The following GSG1L variants were observed in gnomAD, a reference collection of about 807,000 sequenced individuals.
GSG1L encodes germ cell-specific gene 1-like protein.
A neutral mutation model predicts 42.1 loss-of-function variants in GSG1L; 24 were observed. That is an observed-to-expected ratio of 0.57 (90% CI 0.41 to 0.80). The LOEUF (loss-of-function observed/expected upper bound fraction) is 0.80. Ranked by LOEUF, GSG1L falls within the 30% of genes least tolerant of loss-of-function variation. The probability of loss-of-function intolerance (pLI) is 0.00; values close to 1 mark genes in which losing one functional copy is unlikely to be tolerated. For synonymous variants in GSG1L, 215 were observed against 203.5 expected (o/e 1.06, Z -0.48); for missense variants, 445 against 472.2 (o/e 0.94, Z 0.53).
chr16:28,027,495 G>A (rs1266872284), intron 1 of GSG1L, among the ~76,000 whole-genome samples: 1 of 152,120 alleles, frequency 6.6e-6, no homozygotes, highest in Non-Finnish European at 1.5e-5. Flanking sequence ...AGATAGAAAT[G>A]TTCTGCACCA....
At chr16:28,013,261 G>A (rs534906003) in intron 1 of GSG1L, among the ~76,000 whole-genome samples, 42 of 151,936 alleles carry the variant, frequency 2.8e-4, no homozygotes, top group Non-Finnish European at 5.9e-4. Flanking sequence ...TAATACACAT[G>A]TGGATAATGG....
chr16:27,936,489 T>G (rs1483322984), intron 2 of GSG1L, among the ~76,000 whole-genome samples: 1 of 152,168 alleles, frequency 6.6e-6, no homozygotes, highest in African/African-American at 2.4e-5. Context: ...GCATGTGACC[T>G]CTGCACACAG....
intron 2 of GSG1L, among the ~76,000 whole-genome samples, chr16:27,948,902 C>T (rs1332455792): frequency 1.3e-5 from 1 of 76,912 alleles, no homozygotes; most frequent in Non-Finnish European, 2.7e-5. Flanking sequence ...AACCACCGCA[C>T]CTGATCTATT....
chr16:27,905,699 C>G (rs1045733157), intron 2 of GSG1L, among the ~76,000 whole-genome samples: 2 of 152,012 alleles, frequency 1.3e-5, no homozygotes, highest in South Asian at 2.1e-4. Context: ...TATCCTAGCA[C>G]GAAGAATGTA....
intron 1 of GSG1L, among the ~76,000 whole-genome samples, chr16:27,963,575 C>T (rs2085094992): frequency 6.6e-6 from 1 of 152,168 alleles, no homozygotes; most frequent in Admixed American, 6.5e-5. Context: ...CAAAACACAG[C>T]TCTGATCACA....
intron 2 of GSG1L, among the ~76,000 whole-genome samples, chr16:27,890,275 C>T (rs1293242837): frequency 6.6e-6 from 1 of 152,170 alleles, no homozygotes; most frequent in Admixed American, 6.5e-5. Context: ...TACCAGCCAG[C>T]CACCAGGCAT....
chr16:27,936,266 C>T (rs2084716707), intron 2 of GSG1L, among the ~76,000 whole-genome samples: 1 of 152,052 alleles, frequency 6.6e-6, no homozygotes, highest in African/African-American at 2.4e-5. Context: ...TATGTGACCC[C>T]CTCCAGATCT....
At chr16:27,959,470 AAAG>A (rs973461093) in intron 2 of GSG1L, among the ~76,000 whole-genome samples, 9 of 145,886 alleles carry the variant, frequency 6.2e-5, no homozygotes, top group African/African-American at 2.0e-4. Flanking sequence ...TGTGTCAAGA[AAAG>A]AAGAGAAGAG....
intron 1 of GSG1L, among the ~76,000 whole-genome samples, chr16:27,981,328 T>G (rs1037396907): frequency 1.1e-4 from 16 of 152,198 alleles, no homozygotes; most frequent in African/African-American, 3.4e-4. Flanking sequence ...GAATCAGTCC[T>G]GGTCCCCAGC....
intron 3 of GSG1L, among the ~76,000 whole-genome samples, chr16:27,845,698 T>C (rs775856691): frequency 2.0e-5 from 3 of 151,790 alleles, no homozygotes; most frequent in Non-Finnish European, 4.4e-5. Flanking sequence ...CAAAAGCCTA[T>C]TATATTTCTC....
intron 1 of GSG1L, among the ~76,000 whole-genome samples, chr16:28,022,652 C>CT (rs1215010324): frequency 1.3e-5 from 2 of 151,484 alleles, no homozygotes; most frequent in South Asian, 2.1e-4. Flanking sequence ...TTGTATTTTT[C>CT]TTTTTTTGTT....
chr16:27,824,163 C>T (rs1029752035), intron 5 of GSG1L, among the ~76,000 whole-genome samples: 2 of 152,228 alleles, frequency 1.3e-5, no homozygotes, highest in East Asian at 3.8e-4. Flanking sequence ...ACAAAAAGCC[C>T]TCCATGTGCC....
chr16:27,811,312 A>T (rs777759812), intron 5 of GSG1L, among the ~76,000 whole-genome samples: 1 of 152,226 alleles, frequency 6.6e-6, no homozygotes, highest in Non-Finnish European at 1.5e-5. Context: ...TTAATATTCA[A>T]TACCCCCATT....
At chr16:28,027,713 G>A (rs2085915246) in intron 1 of GSG1L, among the ~76,000 whole-genome samples, 1 of 152,046 alleles carries the variant, frequency 6.6e-6, no homozygotes, top group African/African-American at 2.4e-5. Context: ...AACTAGTAGG[G>A]TTTCCATCAT....
chr16:27,827,864 A>T (rs2083228970), intron 5 of GSG1L, among the ~76,000 whole-genome samples: 1 of 61,584 alleles, frequency 1.6e-5, no homozygotes, highest in Non-Finnish European at 3.2e-5. Flanking sequence ...CATTCCATCC[A>T]TCCATCCATC....
At position 27,850,491 on chromosome 16, in the gene GSG1L, TG is replaced by T. The variant is rs781290806; in HGVS notation, c.551-5431del. On this transcript the variant is annotated intron_variant, in intron 3 of 6. Coordinates refer to ENST00000447459, the MANE Select transcript of GSG1L (RefSeq NM_001109763.2). ...TAGAAGAGGTCACCTGGAGAGAGAC[TG>T]TAGGAAGAGGAGAGAGAAGGGTCCC... 6.6e-6 allele frequency: 3 copies of T among 455,462 alleles called. 1 individual carries two copies. Among genetic ancestry groups the T allele is most frequent in the South Asian group, 4.6e-5 (3 of 64,536 alleles). The allele number at this position is 455,462 out of a possible 1,614,324, so 28.2% of individuals were successfully genotyped here.
chr16:27,934,121 C>T lies in GSG1L; in HGVS notation c.397+29035G>A, dbSNP rs78340705. Among the ~76,000 whole-genome samples, 521 of 152,314 alleles carry T rather than the reference C, an allele frequency of 3.4e-3. 3 individuals are homozygous for T. Among genetic ancestry groups the T allele is most frequent in the African/African-American group, 0.011 (463 of 41,578 alleles). The stretch of plus-strand genomic sequence containing the variant: ...CGGGGCAGAACAACCTTCCCCAGCA[C>T]GCAGGTCATTAGTTCCATTTGCAAG... On this transcript the variant is annotated intron_variant, in intron 2 of 6. Transcript: ENST00000447459.
intron 1 of GSG1L, among the ~76,000 whole-genome samples, chr16:28,056,734 C>T (rs540064778): frequency 9.9e-5 from 15 of 152,220 alleles, no homozygotes; most frequent in African/African-American, 3.4e-4. Context: ...CTCATCTAGG[C>T]TCTGGGGGCA....
intron 1 of GSG1L, among the ~76,000 whole-genome samples, chr16:27,975,288 C>G (rs1322673203): frequency 6.6e-6 from 1 of 152,092 alleles, no homozygotes; most frequent in Non-Finnish European, 1.5e-5. Flanking sequence ...TGGCCAAAAC[C>G]AATGGGCACA....
Sources: gnomAD v4.1 joint callset for allele counts (sites outside exome capture counted in the v4.1 genomes callset) on GRCh38, gnomAD v4.1.1 for gene constraint, MANE v1.5 for transcripts, NCBI Gene and HGNC (gene_info 2026-07-23, HGNC 2026-07-21) for gene names.